The following LZTFL1 variants were observed in gnomAD, a reference collection of about 807,000 sequenced individuals.
LZTFL1 encodes the protein leucine zipper transcription factor like 1.
LZTFL1 carries 25 observed loss-of-function variants against 45.9 expected under a neutral mutation model. The observed-to-expected ratio is 0.54, with a 90% CI of 0.40 to 0.76. The LOEUF (loss-of-function observed/expected upper bound fraction) is 0.76. Among genes scored for constraint, LZTFL1 ranks in the 30% least tolerant of loss-of-function variants. The pLI, the probability that LZTFL1 is intolerant of heterozygous loss-of-function variation, is 0.00. For synonymous variants in LZTFL1, 93 were observed against 117.4 expected (o/e 0.79, Z 1.35); for missense variants, 277 against 331.1 (o/e 0.84, Z 1.27).
At chr3:45,877,215 C>T (rs1400320955) in intron 2 of LZTFL1, among the ~76,000 whole-genome samples, 1 of 151,618 alleles carries the variant, frequency 6.6e-6, no homozygotes, top group Non-Finnish European at 1.5e-5. Flanking sequence ...GCTGCTTCAC[C>T]TTTTTCACAA....
chr3:45,861,748 A>T (rs1224452561), intron 2 of LZTFL1, among the ~76,000 whole-genome samples: 3 of 152,206 alleles, frequency 2.0e-5, no homozygotes, highest in East Asian at 1.9e-4. Context: ...ACTGATATGA[A>T]TTCTACCACT....
chr3:45,836,744 A>T (rs574696345), intron 2 of LZTFL1, among the ~76,000 whole-genome samples: 2 of 152,342 alleles, frequency 1.3e-5, no homozygotes, highest in East Asian at 3.9e-4. Context: ...CAATCCCCTA[A>T]CTTTACAGAT....
chr3:45,867,971 T>G (rs2125713945), intron 2 of LZTFL1, among the ~76,000 whole-genome samples: 1 of 149,902 alleles, frequency 6.7e-6, no homozygotes, highest in East Asian at 2.0e-4. Flanking sequence ...GGCAGCAATT[T>G]TCTTTCAAGA....
In LZTFL1 at chr3:45,827,179, TG is replaced by T. The variant is rs1009827002; in HGVS notation, c.881+176del. The T allele has an allele frequency of 1.6e-4, 94 of 578,272 alleles. No homozygotes were observed. The African/African-American group carries it at 1.6e-3, about 10-fold the overall frequency. The allele number at this position is 578,272 out of a possible 1,614,324, so 35.8% of individuals were successfully genotyped here. A position where few individuals can be genotyped will look rare whatever the true frequency, so the allele number is the denominator to read the frequency against. On this transcript the variant is annotated intron_variant, in intron 9 of 9. Transcript: ENST00000296135. ...AGATGAACCTAAAAAGAAGCCCTGG[TG>T]GGCATTATAGATAAGGTCAGGCCAG...
At chr3:45,839,412 T>A (rs1298593153) in intron 1 of LZTFL1, among the ~76,000 whole-genome samples, 3 of 152,160 alleles carry the variant, frequency 2.0e-5, no homozygotes, top group African/African-American at 7.2e-5. Flanking sequence ...TTATTCACTG[T>A]CTATAGTATT....
In LZTFL1 at chr3:45,901,135, C is replaced by A; in HGVS notation, c.-215+11985G>T. The A allele has an allele frequency of 6.2e-7, 1 of 1,614,170 alleles. No individual in the cohort carries two copies. Among genetic ancestry groups the A allele is most frequent in the Non-Finnish European group, 8.5e-7 (1 of 1,180,008 alleles). ...GCTGCTGACCAGTGGAAGTTCCAGA[C>A]CTTCATGTGCAAGGTGGTCAACAGC... On this transcript the variant is annotated intron_variant, in intron 2 of 4. Transcript: ENST00000472635. The surrounding 1 kb of genome is among the most constrained non-coding windows in gnomAD (Gnocchi z 4.3).
chr3:45,897,590 TC>T (rs1702398177), intron 2 of LZTFL1: 1 of 1,535,802 alleles, frequency 6.5e-7, no homozygotes, highest in Non-Finnish European at 8.7e-7. Context: ...CAGATCACCT[TC>T]CCTCGCTGGC....
At chr3:45,866,594 TA>T (rs2125712812) in intron 2 of LZTFL1, among the ~76,000 whole-genome samples, 1 of 152,346 alleles carries the variant, frequency 6.6e-6, no homozygotes, top group South Asian at 2.1e-4. Flanking sequence ...CATTTCATAG[TA>T]TATAATGAGG....
chr3:45,875,613 G>A (rs1701738675), intron 2 of LZTFL1, among the ~76,000 whole-genome samples: 2 of 152,170 alleles, frequency 1.3e-5, no homozygotes, highest in Admixed American at 6.5e-5. Flanking sequence ...CTTAAGCCCA[G>A]CCATTCAAGA....
intron 2 of LZTFL1, among the ~76,000 whole-genome samples, chr3:45,867,876 T>C (rs1417661956): frequency 1.3e-5 from 2 of 151,986 alleles, no homozygotes; most frequent in East Asian, 3.9e-4. Context: ...AGAAAACCTA[T>C]ATTAGCCAAA....
intron 2 of LZTFL1, among the ~76,000 whole-genome samples, chr3:45,882,797 C>CTATTAT (rs10575190): frequency 0.064 from 9,276 of 145,406 alleles, 423 homozygotes; most frequent in South Asian, 0.18. Context: ...AAAGGGGATA[C>CTATTAT]TATTATTATT....
At chr3:45,873,114 G>A (rs1237413491) in intron 2 of LZTFL1, among the ~76,000 whole-genome samples, 1 of 152,214 alleles carries the variant, frequency 6.6e-6, no homozygotes, top group Non-Finnish European at 1.5e-5. Context: ...CCTGTTCCTT[G>A]TTCTAATTTC....
Position 45,825,081 on chromosome 3 carries a change from G to T in LZTFL1, c.*1233C>A, listed in dbSNP as rs144258532. On this transcript the variant is annotated 3_prime_UTR_variant, in exon 10 of 10. Coordinates refer to ENST00000296135, the MANE Select transcript of LZTFL1 (RefSeq NM_020347.4). The stretch of plus-strand genomic sequence containing the variant: ...AATAAATTCAAGGCTATTACTAAAA[G>T]CTTGAATAAAAATAACAACAAGCCC... 469 of 391,418 alleles carry T rather than the reference G, an allele frequency of 1.2e-3. 1 individual carries two copies. Among genetic ancestry groups the T allele is most frequent in the African/African-American group, 8.9e-3 (431 of 48,530 alleles). The allele number at this position is 391,418 out of a possible 1,614,324, so 24.2% of individuals were successfully genotyped here.
In LZTFL1 at chr3:45,826,074, G is replaced by T. The variant is rs962848983; in HGVS notation, c.*240C>A. On this transcript the variant is annotated 3_prime_UTR_variant, in exon 10 of 10. Coordinates refer to ENST00000296135, the MANE Select transcript of LZTFL1 (RefSeq NM_020347.4). ...TTCTTTGCTGTAAAGAATTCTCAGTGCATGTGAGCTAAGACTCTGGAGCAC... is the reference window on the plus strand; with the variant it reads ...TTCTTTGCTGTAAAGAATTCTCAGTTCATGTGAGCTAAGACTCTGGAGCAC... 2.2e-4 allele frequency: 96 copies of T among 434,828 alleles called. No homozygotes were observed. The East Asian group carries it at 3.2e-3, about 15-fold the overall frequency. The allele number at this position is 434,828 out of a possible 1,614,324, so 26.9% of individuals were successfully genotyped here.
chr3:45,831,890 A>G (rs138731426), intron 5 of LZTFL1, among the ~76,000 whole-genome samples: 105 of 152,288 alleles, frequency 6.9e-4, no homozygotes, highest in Non-Finnish European at 1.4e-3. Context: ...ACACAGGAGA[A>G]TATTCTCTGG....
At chr3:45,897,647 G>C (rs1037452176) in intron 2 of LZTFL1, 5 of 1,518,826 alleles carry the variant, frequency 3.3e-6, no homozygotes, top group Non-Finnish European at 2.6e-6. Context: ...GACTAACACA[G>C]CTAAGTGATG....
At chr3:45,912,265 T>C (rs1702808926) in intron 2 of LZTFL1, among the ~76,000 whole-genome samples, 1 of 152,146 alleles carries the variant, frequency 6.6e-6, no homozygotes, top group Non-Finnish European at 1.5e-5. Flanking sequence ...AAGATGAAAA[T>C]TGAGGTGGAA....
At chr3:45,863,785 G>A (rs1451765408) in intron 2 of LZTFL1, among the ~76,000 whole-genome samples, 1 of 152,212 alleles carries the variant, frequency 6.6e-6, no homozygotes, top group Non-Finnish European at 1.5e-5. Flanking sequence ...GAAGAGACTG[G>A]AGGCTGGATT....
In LZTFL1 at chr3:45,901,471, T is replaced by C; in HGVS notation, c.-215+11649A>G. 3.1e-6 allele frequency: 5 copies of C among 1,614,200 alleles called. No homozygotes were observed. Among genetic ancestry groups the C allele is most frequent in the Non-Finnish European group, 4.2e-6 (5 of 1,180,030 alleles). The stretch of plus-strand genomic sequence containing the variant: ...ATTCTGGGGTTCTTCCTTCCCTTCG[T>C]GGTCATGGCTTGCTGCTATACCATC... On this transcript the variant is annotated intron_variant, in intron 2 of 4. Transcript: ENST00000472635. The surrounding 1 kb of genome is among the most constrained non-coding windows in gnomAD (Gnocchi z 4.3).
Sources: allele counts gnomAD v4.1 joint callset (sites outside exome capture counted in the v4.1 genomes callset), GRCh38; gene constraint gnomAD v4.1.1; non-coding constraint Gnocchi (gnomAD v3.1); transcripts MANE v1.5; gene names NCBI Gene and HGNC (gene_info 2026-07-23, HGNC 2026-07-21).